Variants in CCDC112 observed in about 807,000 individuals in gnomAD.
The protein encoded by CCDC112 is coiled-coil domain-containing protein 112.
CCDC112 carries 40 observed loss-of-function variants against 66.3 expected under a neutral mutation model. That is an observed-to-expected ratio of 0.60 (90% confidence interval 0.47 to 0.79). The LOEUF is 0.79. Ranked by LOEUF, CCDC112 falls within the 30% of genes least tolerant of loss-of-function variation. The pLI is 0.00. For missense variants in CCDC112, 659 were observed against 603.8 expected (o/e 1.09, Z -0.96); for synonymous variants, 214 against 197.2 (o/e 1.09, Z -0.71).
intron 2 of CCDC112, among the ~76,000 whole-genome samples, chr5:115,283,751 A>T (rs1230082756): frequency 6.6e-6 from 1 of 152,066 alleles, no homozygotes; most frequent in Non-Finnish European, 1.5e-5. Flanking sequence ...CTAAATATAG[A>T]CCTGCCACCA....
chr5:115,291,752 C>T (rs1007735329), intron 1 of CCDC112, among the ~76,000 whole-genome samples: 3 of 152,138 alleles, frequency 2.0e-5, no homozygotes, highest in African/African-American at 7.2e-5. Context: ...AATTCTTCTT[C>T]AATCTTACAG....
At chr5:115,271,135 A>G in intron 7 of CCDC112, 78 bp downstream of exon 7, 2 of 1,367,270 alleles carry the variant, frequency 1.5e-6, no homozygotes, top group South Asian at 2.9e-5. Flanking sequence ...CAAATACTCA[A>G]TTTTTGCTTA....
At chr5:115,277,946 T>A (rs1398995300) in intron 3 of CCDC112, among the ~76,000 whole-genome samples, 1 of 152,148 alleles carries the variant, frequency 6.6e-6, no homozygotes, top group East Asian at 1.9e-4. Context: ...TGTACAAAAG[T>A]CCTTAAAAGT....
chr5:115,275,659 A>C (rs267295), intron 5 of CCDC112, 53 bp from the exon 6 acceptor site: 1,105,143 of 1,257,082 alleles, frequency 0.88, 486,627 homozygotes, highest in African/African-American at 0.97. Flanking sequence ...ATTAACCCTT[A>C]ATTTTCCATC....
chr5:115,296,402 C>T (rs1481131617), intron 1 of CCDC112, 25 bp downstream of exon 1: 2 of 1,561,772 alleles, frequency 1.3e-6, no homozygotes, highest in South Asian at 2.3e-5. Context: ...GCCGCCAGAG[C>T]AGCTCTCGGT....
At chr5:115,271,896 A>G (rs954981695) in intron 6 of CCDC112, among the ~76,000 whole-genome samples, 1 of 151,276 alleles carries the variant, frequency 6.6e-6, no homozygotes, top group African/African-American at 2.4e-5. Context: ...ACAACTCATG[A>G]ATGATCCTTC....
intron 2 of CCDC112, among the ~76,000 whole-genome samples, chr5:115,284,241 G>C (rs1749580761): frequency 6.6e-6 from 1 of 152,080 alleles, no homozygotes; most frequent in Non-Finnish European, 1.5e-5. Context: ...CTTTCAGAGT[G>C]GCTGGAGCCA....
intron 2 of CCDC112, among the ~76,000 whole-genome samples, chr5:115,282,893 G>A (rs1190581317): frequency 3.9e-5 from 6 of 152,060 alleles, no homozygotes; most frequent in Admixed American, 3.9e-4. Context: ...TTGTTAGATA[G>A]AAACACTCTT....
At chr5:115,278,570 C>T (rs1349147089) in intron 3 of CCDC112, among the ~76,000 whole-genome samples, 1 of 151,826 alleles carries the variant, frequency 6.6e-6, no homozygotes, top group Non-Finnish European at 1.5e-5. Flanking sequence ...ATCAAGTGAC[C>T]TAAAATTTGC....
chr5:115,276,164 T>A lies in CCDC112; in HGVS notation c.452-95A>T. 5.7e-6 allele frequency: 5 copies of A among 873,164 alleles called. No individual in the cohort carries two copies. In the South Asian group the frequency reaches 6.4e-5, roughly 11 times the overall value. 54.1% of individuals were successfully genotyped at this position (873,164 alleles called of 1,614,324 possible). ...AAAAAGTGGAATGTTCTCCTAATTT[T>A]AAAATATTTCTTAGCCTAAGGCATA... On this transcript the variant is annotated intron_variant, in intron 4 of 9. Transcript: ENST00000379611.
Position 115,279,787 on chromosome 5 carries a change from A to G in CCDC112, c.240-19T>C. On this transcript the variant is annotated intron_variant, in intron 2 of 9. Coordinates refer to ENST00000379611, the MANE Select transcript of CCDC112 (RefSeq NM_001040440.3). Reference sequence around the variant, plus strand: ...AATTACTCTTTAGGAAAAGAAACAAATAGTATAAATATGATCTAAATATAT... The same window carrying G: ...AATTACTCTTTAGGAAAAGAAACAAGTAGTATAAATATGATCTAAATATAT... The G allele has an allele frequency of 8.1e-7, 1 of 1,236,080 alleles. No individual in the cohort carries two copies. The highest frequency in any genetic ancestry group is 1.3e-5 in the South Asian group (1 of 76,700). 76.6% of individuals were successfully genotyped at this position (1,236,080 alleles called of 1,614,324 possible).
In CCDC112 at chr5:115,279,743, G is replaced by A. The variant is rs1749370262; in HGVS notation, c.265C>T (p.His89Tyr). 6.5e-7 allele frequency: 1 copy of A among 1,530,724 alleles called. No individual in the cohort carries two copies. The highest frequency in any genetic ancestry group is 1.4e-5 in the African/African-American group (1 of 73,184). The allele number at this position is 1,530,724 out of a possible 1,614,324, so 94.8% of individuals were successfully genotyped here. ...NQVINMEKDK[H>Y]SHFYNQKSDF... is the part of the protein sequence containing the mutation. Reference sequence around the variant, plus strand: ...CTTTTTTGGTTGTAGAAATGACTGTGTTTATCTTTTTCCATGTTAATTACT... The same window carrying A: ...CTTTTTTGGTTGTAGAAATGACTGTATTTATCTTTTTCCATGTTAATTACT... The change falls in exon 3 of 10, where the codon CAC (histidine) becomes TAC (tyrosine). Residue 89 changes from histidine to tyrosine, a missense_variant. Transcript: ENST00000379611.
At chr5:115,290,492 A>G (rs1242933494) in intron 1 of CCDC112, among the ~76,000 whole-genome samples, 1 of 152,188 alleles carries the variant, frequency 6.6e-6, no homozygotes, top group Non-Finnish European at 1.5e-5. Flanking sequence ...TTTTAAGATC[A>G]GCTTGTACAT....
At chr5:115,286,892 G>A (rs551966630) in intron 1 of CCDC112, among the ~76,000 whole-genome samples, 1 of 152,220 alleles carries the variant, frequency 6.6e-6, no homozygotes, top group South Asian at 2.1e-4. Flanking sequence ...TCCAGCCTTG[G>A]GGGACAGAGC....
intron 1 of CCDC112, 150 bp from the exon 2 acceptor site, chr5:115,285,058 G>A: frequency 1.6e-6 from 1 of 628,122 alleles, no homozygotes; most frequent in East Asian, 2.7e-5. Context: ...TACATTTGTG[G>A]AAGAAGGAGT....
chr5:115,288,073 C>T (rs1437787322), intron 1 of CCDC112, among the ~76,000 whole-genome samples: 6 of 151,692 alleles, frequency 4.0e-5, no homozygotes, highest in Non-Finnish European at 5.9e-5. Flanking sequence ...CTCTGCCTCC[C>T]GAGTTCAAGC....
At chr5:115,290,074 A>G (rs904701014) in intron 1 of CCDC112, among the ~76,000 whole-genome samples, 2 of 152,214 alleles carry the variant, frequency 1.3e-5, no homozygotes, top group African/African-American at 4.8e-5. Flanking sequence ...AGGGGAAACT[A>G]CTGACTGACC....
intron 1 of CCDC112, among the ~76,000 whole-genome samples, chr5:115,287,097 A>G (rs953288746): frequency 6.6e-6 from 1 of 152,216 alleles, no homozygotes; most frequent in South Asian, 2.1e-4. Context: ...TTTTTAAAGA[A>G]TTGCCAGACT....
Position 115,267,932 on chromosome 5 carries a change from G to T in CCDC112, c.1548-14C>A. The T allele has an allele frequency of 6.2e-7, 1 of 1,602,178 alleles. No individual in the cohort carries two copies. The highest frequency in any genetic ancestry group is 1.7e-5 in the Admixed American group (1 of 59,500). ...GTTGGAATAGCCCTAAGGAGAAAAA[G>T]AGAAAAGCAATTGTAAATATGTAGG... On this transcript the variant is annotated splice_polypyrimidine_tract_variant and intron_variant, in intron 9 of 9. Coordinates refer to ENST00000379611, the MANE Select transcript of CCDC112 (RefSeq NM_001040440.3).
Sources: allele counts gnomAD v4.1 joint callset (sites outside exome capture counted in the v4.1 genomes callset), GRCh38; gene constraint gnomAD v4.1.1; transcripts MANE v1.5; gene names NCBI Gene and HGNC (gene_info 2026-07-23, HGNC 2026-07-21).